Variants in NFASC observed in about 807,000 individuals in gnomAD.
NFASC encodes the protein neurofascin, also known as neurofascin homolog.
NFASC carries 43 observed loss-of-function variants against 147.5 expected under a neutral mutation model. The observed-to-expected ratio is 0.29, with a 90% CI of 0.23 to 0.38. The LOEUF is 0.38. Ranked by LOEUF, NFASC falls within the 10% of genes least tolerant of loss-of-function variation. NFASC has a pLI of 1.00. For missense variants in NFASC, 1,320 were observed against 1,689.0 expected (o/e 0.78, Z 3.83); for synonymous variants, 622 against 665.5 (o/e 0.93, Z 1.01).
chr1:204,888,385 T>C (rs1359136587), intron 1 of NFASC, among the ~76,000 whole-genome samples: 1 of 152,174 alleles, frequency 6.6e-6, no homozygotes, highest in East Asian at 1.9e-4. Flanking sequence ...ATGGAATGAG[T>C]GTTCCCATGA....
Position 204,954,735 on chromosome 1 carries a change from G to A in NFASC, c.413-94G>A, listed in dbSNP as rs1484563723. ...CCCTCCTTCTCCAGGTGCCCCTTCT[G>A]TTTCTCCTCCTTGCATGCCTGCCTC... On this transcript the variant is annotated intron_variant, in intron 6 of 29. Coordinates refer to ENST00000339876, the MANE Select transcript of NFASC (RefSeq NM_001005388.3). The surrounding 1 kb of genome is among the most constrained non-coding windows in gnomAD (Gnocchi z 5.7). 6.2e-6 allele frequency: 9 copies of A among 1,459,986 alleles called. No individual in the cohort carries two copies. The East Asian group carries it at 1.4e-4, about 22-fold the overall frequency. 90.4% of individuals were successfully genotyped at this position (1,459,986 alleles called of 1,614,324 possible). A position where few individuals can be genotyped will look rare whatever the true frequency, so the allele number is the denominator to read the frequency against.
chr1:204,854,982 T>G (rs1187417473), intron 1 of NFASC, among the ~76,000 whole-genome samples: 1 of 152,264 alleles, frequency 6.6e-6, no homozygotes, highest in African/African-American at 2.4e-5. Flanking sequence ...ATTGTCACAG[T>G]GCTCTTTTAC....
Position 204,968,413 on chromosome 1 carries a change from G to C in NFASC, c.818+53G>C. On this transcript the variant is annotated intron_variant, in intron 9 of 29. Coordinates refer to ENST00000339876, the MANE Select transcript of NFASC (RefSeq NM_001005388.3). This position sits in a 1 kb window ranked among gnomAD's most constrained non-coding sequence, Gnocchi z 5.4. Reference sequence around the variant, plus strand: ...AGCCACCCTCCAGGAGGATGGGGATGGGAGCTTGTTCATGCTCTTGTTAAT... The same window carrying C: ...AGCCACCCTCCAGGAGGATGGGGATCGGAGCTTGTTCATGCTCTTGTTAAT... 7.3e-7 allele frequency: 1 copy of C among 1,362,926 alleles called. No homozygotes were observed. The highest frequency in any genetic ancestry group is 1.0e-6 in the Non-Finnish European group (1 of 952,856). 84.4% of individuals were successfully genotyped at this position (1,362,926 alleles called of 1,614,324 possible).
At chr1:204,917,900 T>G (rs1277929460) in intron 1 of NFASC, among the ~76,000 whole-genome samples, 4 of 152,234 alleles carry the variant, frequency 2.6e-5, no homozygotes, top group Non-Finnish European at 5.9e-5. Context: ...GAGGTGCTCA[T>G]TCTGACTAGG....
intron 26 of NFASC, among the ~76,000 whole-genome samples, chr1:205,001,555 T>A (rs1558436176): frequency 6.6e-6 from 1 of 152,180 alleles, no homozygotes; most frequent in East Asian, 1.9e-4. Flanking sequence ...AAAGGGGCCC[T>A]TCATTCATTT....
Position 204,828,709 on chromosome 1 carries a change from G to C in NFASC, c.-273G>C. ...GCTGGCGGCGAGAGGCGCTGCAGGG[G>C]ACGCGGGGGAAGTGGCGGCGCCGGC... On this transcript the variant is annotated 5_prime_UTR_variant, in exon 1 of 30. Transcript: ENST00000339876. 1.0e-6 allele frequency: 1 copy of C among 985,660 alleles called. No individual in the cohort carries two copies. Among genetic ancestry groups the C allele is most frequent in the Non-Finnish European group, 1.2e-6 (1 of 830,160 alleles). 61.1% of individuals were successfully genotyped at this position (985,660 alleles called of 1,614,324 possible).
intron 27 of NFASC, among the ~76,000 whole-genome samples, chr1:205,006,985 C>A (rs1191096028): frequency 6.6e-6 from 1 of 151,954 alleles, no homozygotes; most frequent in Admixed American, 6.6e-5. Context: ...TTGGGAGAGG[C>A]CCACTCAGTG....
At chr1:204,901,781 G>A (rs2084664152) in intron 1 of NFASC, among the ~76,000 whole-genome samples, 1 of 152,118 alleles carries the variant, frequency 6.6e-6, no homozygotes, top group African/African-American at 2.4e-5. Flanking sequence ...AAAAGGAAAA[G>A]TTGAGGAGAC....
rs1178977786 is a variant in NFASC, at chr1:205,009,706, C to T, written c.3421+18C>T. 1.9e-6 allele frequency: 3 copies of T among 1,611,380 alleles called. No homozygotes were observed. Among genetic ancestry groups the T allele is most frequent in the South Asian group, 1.1e-5 (1 of 90,850 alleles). ...GTACCCAGGTGAGATGTGCAAGAGG[C>T]GTGGGCTTGCAGGGTGGGGCACGTC... On this transcript the variant is annotated intron_variant, in intron 28 of 29. Coordinates refer to ENST00000339876, the MANE Select transcript of NFASC (RefSeq NM_001005388.3).
intron 1 of NFASC, among the ~76,000 whole-genome samples, chr1:204,888,039 T>A (rs1428007050): frequency 2.0e-5 from 3 of 152,294 alleles, no homozygotes; most frequent in East Asian, 1.9e-4. Context: ...GGCCTTGTGA[T>A]AAAAGAGACC....
intron 24 of NFASC, among the ~76,000 whole-genome samples, chr1:204,992,625 T>C (rs2095759804): frequency 6.6e-6 from 1 of 152,172 alleles, no homozygotes; most frequent in African/African-American, 2.4e-5. Flanking sequence ...CTTGCCACAC[T>C]GGGGGCCTCC....
rs1406183043 is a variant in NFASC at position 204,987,306 on chromosome 1, T to TG, written c.2471-107dup. 10 of 1,019,930 alleles carry TG rather than the reference T, an allele frequency of 9.8e-6. No individual in the cohort carries two copies. In the Admixed American group the frequency reaches 1.7e-4, roughly 17 times the overall value. 63.2% of individuals were successfully genotyped at this position (1,019,930 alleles called of 1,614,324 possible). ...GGCTTCAGTTTAGCAGTGTCGAGCA[T>TG]GGGGGTTGTCCAGAGGTCAATGCCT... is the stretch of plus-strand genomic sequence containing the variant. On this transcript the variant is annotated intron_variant, in intron 21 of 29. Transcript: ENST00000339876. The surrounding 1 kb of genome is among the most constrained non-coding windows in gnomAD (Gnocchi z 4.4).
chr1:204,971,443 A>C (rs1206451274), intron 11 of NFASC, among the ~76,000 whole-genome samples: 1 of 152,192 alleles, frequency 6.6e-6, no homozygotes, highest in African/African-American at 2.4e-5. Flanking sequence ...GGTCAGAGGA[A>C]ATGTAAACAA....
intron 1 of NFASC, among the ~76,000 whole-genome samples, chr1:204,906,802 C>A (rs2086040410): frequency 6.6e-6 from 1 of 151,308 alleles, no homozygotes; most frequent in Non-Finnish European, 1.5e-5. Context: ...CCTGCCTCAG[C>A]CTCCCCGAGT....
At chr1:204,897,571 CTTTTTCCTTT>C (rs890069427) in intron 1 of NFASC, among the ~76,000 whole-genome samples, 4 of 150,750 alleles carry the variant, frequency 2.7e-5, no homozygotes, top group African/African-American at 9.8e-5. Context: ...AGCTTATTTT[CTTTTTCCTTT>C]TTTTTTTTTT....
At chr1:204,884,986 G>A (rs1276756775) in intron 1 of NFASC, among the ~76,000 whole-genome samples, 1 of 152,140 alleles carries the variant, frequency 6.6e-6, no homozygotes, top group African/African-American at 2.4e-5. Context: ...AAGTAGCTGG[G>A]CACAGTGGCT....
At chr1:204,884,071 G>A (rs138226478) in intron 1 of NFASC, among the ~76,000 whole-genome samples, 15 of 152,278 alleles carry the variant, frequency 9.9e-5, no homozygotes, top group Non-Finnish European at 2.1e-4. Context: ...TTGGGAGGCT[G>A]AAATAAATGC....
rs1450026027 is a variant in NFASC at position 204,954,320 on chromosome 1, T to C, written c.348T>C (p.Tyr116=). 1.2e-6 allele frequency: 2 copies of C among 1,614,018 alleles called. No homozygotes were observed. The highest frequency in any genetic ancestry group is 8.5e-7 in the Non-Finnish European group (1 of 1,180,024). The change falls in exon 6 of 30, where the codon TAT becomes TAC. Residue 116 remains tyrosine (Y), a synonymous_variant. Coordinates refer to ENST00000339876, the MANE Select transcript of NFASC (RefSeq NM_001005388.3). The surrounding 1 kb of genome is among the most constrained non-coding windows in gnomAD (Gnocchi z 5.7). ...GGRPEEYEGE[Y]QCFARNKFGT... The stretch of plus-strand genomic sequence containing the variant: ...GGCCGGAGGAATATGAGGGGGAATA[T>C]CAGTGCTTCGCCCGCAACAAATTTG...
At chr1:204,976,092 G>T (rs1049893756) in intron 15 of NFASC, among the ~76,000 whole-genome samples, 1 of 152,122 alleles carries the variant, frequency 6.6e-6, no homozygotes, top group African/African-American at 2.4e-5. Context: ...GTTGGACACG[G>T]TACCAGCGGT....
Sources: allele counts gnomAD v4.1 joint callset (sites outside exome capture counted in the v4.1 genomes callset), GRCh38; gene constraint gnomAD v4.1.1; non-coding constraint Gnocchi (gnomAD v3.1); transcripts MANE v1.5; gene names NCBI Gene and HGNC (gene_info 2026-07-23, HGNC 2026-07-21).